Variants in LRRC4C observed in about 807,000 individuals in gnomAD.
LRRC4C encodes leucine rich repeat containing 4C, also known as leucine-rich repeat-containing protein 4C.
LRRC4C carries 5 observed loss-of-function variants against 33.6 expected under a neutral mutation model. The observed-to-expected ratio is 0.15, with a 90% CI of 0.08 to 0.31. LRRC4C has a LOEUF of 0.31. LRRC4C is among the 10% of genes least tolerant of loss of function. The pLI, the probability that LRRC4C is intolerant of heterozygous loss-of-function variation, is 1.00. For synonymous variants in LRRC4C, 329 were observed against 302.0 expected, an observed-to-expected ratio of 1.09 and a Z score of -0.93; for missense variants, 560 against 796.7, an observed-to-expected ratio of 0.70 and a Z score of 3.58.
chr11:40,797,439 G>C, intron 2 of LRRC4C, among the ~76,000 whole-genome samples: 1 of 152,024 alleles, frequency 6.6e-6, no homozygotes, highest in South Asian at 2.1e-4. Flanking sequence ...TAGGGATTTG[G>C]GTCAAAAATG....
intron 1 of LRRC4C, among the ~76,000 whole-genome samples, chr11:40,977,413 G>T (rs372757418): frequency 6.6e-6 from 1 of 152,066 alleles, no homozygotes; most frequent in African/African-American, 2.4e-5. Flanking sequence ...TCTGTAGGAT[G>T]TCCACTAAAA....
At chr11:41,375,441 T>C (rs1380893070) in intron 1 of LRRC4C, among the ~76,000 whole-genome samples, 1 of 152,028 alleles carries the variant, frequency 6.6e-6, no homozygotes, top group African/African-American at 2.4e-5. Context: ...TACTTAGAAA[T>C]ATAGACAAGT....
At chr11:41,304,781 C>A (rs1950427381) in intron 1 of LRRC4C, among the ~76,000 whole-genome samples, 1 of 104,830 alleles carries the variant, frequency 9.5e-6, no homozygotes, top group Non-Finnish European at 2.0e-5. Context: ...GGGGGTCAGC[C>A]CCCCGCCCGG....
intron 4 of LRRC4C, among the ~76,000 whole-genome samples, chr11:40,318,000 T>C (rs572677080): frequency 2.6e-5 from 4 of 152,176 alleles, no homozygotes; most frequent in East Asian, 1.9e-4. Context: ...CTTCCAGAGG[T>C]ATAAGTTTTT....
chr11:40,269,920 T>G (rs1942562619), intron 4 of LRRC4C, among the ~76,000 whole-genome samples: 1 of 152,164 alleles, frequency 6.6e-6, no homozygotes, highest in African/African-American at 2.4e-5. Flanking sequence ...AGAATCTATT[T>G]CTATTGGAAT....
chr11:40,736,875 G>A (rs58034007), intron 2 of LRRC4C, among the ~76,000 whole-genome samples: 2 of 103,052 alleles, frequency 1.9e-5, no homozygotes, highest in Admixed American at 1.0e-4. Context: ...TTTTTTTTTT[G>A]TAAATTTGTT....
intron 1 of LRRC4C, among the ~76,000 whole-genome samples, chr11:41,140,906 G>A (rs1170155609): frequency 6.6e-6 from 1 of 152,100 alleles, no homozygotes; most frequent in East Asian, 1.9e-4. Context: ...CAGGAAGATG[G>A]ACAAGTGGTA....
At chr11:40,960,003 C>T (rs1263188805) in intron 1 of LRRC4C, among the ~76,000 whole-genome samples, 1 of 150,416 alleles carries the variant, frequency 6.6e-6, no homozygotes, top group East Asian at 1.9e-4. Context: ...ATGGCTGGAG[C>T]AGAACAGTCA....
At chr11:41,188,397 G>A (rs1333174714) in intron 1 of LRRC4C, among the ~76,000 whole-genome samples, 3 of 152,078 alleles carry the variant, frequency 2.0e-5, no homozygotes, top group Admixed American at 6.6e-5. Context: ...GCAGCATAGC[G>A]TAACAAGGAA....
chr11:40,533,190 A>G (rs991288389), intron 3 of LRRC4C, among the ~76,000 whole-genome samples: 1 of 152,180 alleles, frequency 6.6e-6, no homozygotes, highest in Non-Finnish European at 1.5e-5. Flanking sequence ...GGAGACTGAA[A>G]TAGTGGTTTG....
At chr11:41,165,302 T>A (rs570979856) in intron 1 of LRRC4C, among the ~76,000 whole-genome samples, 7 of 151,678 alleles carry the variant, frequency 4.6e-5, no homozygotes, top group African/African-American at 1.4e-4. Flanking sequence ...CCATCATATA[T>A]GAGATCCATT....
chr11:41,355,558 A>G (rs1299845451), intron 1 of LRRC4C, among the ~76,000 whole-genome samples: 2 of 152,118 alleles, frequency 1.3e-5, no homozygotes, highest in African/African-American at 4.8e-5. Context: ...GGGCATTCTC[A>G]GGGATAGTTA....
At chr11:40,364,174 G>A (rs1411178773) in intron 3 of LRRC4C, among the ~76,000 whole-genome samples, 1 of 151,994 alleles carries the variant, frequency 6.6e-6, no homozygotes, top group Non-Finnish European at 1.5e-5. Context: ...AATTTCTGGT[G>A]TCCAAACACA....
chr11:40,569,119 A>G (rs1356055494), intron 3 of LRRC4C, among the ~76,000 whole-genome samples: 1 of 152,184 alleles, frequency 6.6e-6, no homozygotes, highest in Non-Finnish European at 1.5e-5. Context: ...TTTGAGATCT[A>G]CTGATGAGAT....
intron 5 of LRRC4C, among the ~76,000 whole-genome samples, chr11:40,234,797 G>A (rs547563020): frequency 6.6e-6 from 1 of 152,266 alleles, no homozygotes; most frequent in South Asian, 2.1e-4. Flanking sequence ...CTTACTTGTA[G>A]GGGCTACACT....
At chr11:40,266,313 A>T (rs1942251638) in intron 4 of LRRC4C, among the ~76,000 whole-genome samples, 1 of 151,926 alleles carries the variant, frequency 6.6e-6, no homozygotes, top group Non-Finnish European at 1.5e-5. Context: ...AATAAAAAAA[A>T]TTAAAATAAA....
intron 1 of LRRC4C, among the ~76,000 whole-genome samples, chr11:41,332,201 A>G (rs999125688): frequency 1.3e-5 from 2 of 152,172 alleles, no homozygotes; most frequent in African/African-American, 4.8e-5. Flanking sequence ...CCAAGTTACT[A>G]GATACCCAAT....
intron 1 of LRRC4C, among the ~76,000 whole-genome samples, chr11:41,380,902 T>A (rs924924200): frequency 6.6e-6 from 1 of 152,194 alleles, no homozygotes; most frequent in Non-Finnish European, 1.5e-5. Flanking sequence ...CCTACTCTTT[T>A]CTCTGAAGAC....
chr11:40,682,777 T>TAAATAAATAAATAAAA (rs1555143904), intron 2 of LRRC4C, among the ~76,000 whole-genome samples: 6 of 146,014 alleles, frequency 4.1e-5, no homozygotes, highest in South Asian at 2.1e-4. Flanking sequence ...AATAAATAAA[T>TAAATAAATAAATAAAA]AAAATAAAGA....
Sources: allele counts gnomAD v4.1 joint callset (sites outside exome capture counted in the v4.1 genomes callset), GRCh38; gene constraint gnomAD v4.1.1; transcripts MANE v1.5; gene names NCBI Gene and HGNC (gene_info 2026-07-23, HGNC 2026-07-21).